Variants in DNAH14 observed in about 807,000 individuals in gnomAD.
The protein encoded by DNAH14 is axonemal beta dynein heavy chain 14.
DNAH14 carries 478 observed loss-of-function variants against 520.9 expected under a neutral mutation model. The ratio of observed to expected loss-of-function variants is 0.92; its 90% CI spans 0.85 to 0.99. The LOEUF (loss-of-function observed/expected upper bound fraction) is 0.99. Among genes scored for constraint, DNAH14 ranks in the 50% least tolerant of loss-of-function variants. The probability of loss-of-function intolerance (pLI) is 0.00; values close to 1 mark genes in which losing one functional copy is unlikely to be tolerated. For synonymous variants in DNAH14, 1,581 were observed against 1,757.2 expected (o/e 0.90, Z 2.51); for missense variants, 4,831 against 5,234.5 (o/e 0.92, Z 2.38).
At chr1:224,973,132 T>C (rs1193196004) in intron 7 of DNAH14, among the ~76,000 whole-genome samples, 4 of 152,238 alleles carry the variant, frequency 2.6e-5, no homozygotes, top group African/African-American at 4.8e-5. Context: ...TAGATTTTGA[T>C]TGAGGCAGTC....
At chr1:225,029,781 A>C (rs1262020072) in intron 11 of DNAH14, among the ~76,000 whole-genome samples, 2 of 151,988 alleles carry the variant, frequency 1.3e-5, no homozygotes, top group Non-Finnish European at 2.9e-5. Context: ...GCATATTTGA[A>C]AAAGTGAGAA....
chr1:225,385,105 T>C (rs1480433974), intron 81 of DNAH14, among the ~76,000 whole-genome samples: 1 of 152,208 alleles, frequency 6.6e-6, no homozygotes, highest in Non-Finnish European at 1.5e-5. Flanking sequence ...ATCCATCATG[T>C]AAACAGAACC....
chr1:225,290,475 A>G (rs1239276844), intron 55 of DNAH14, among the ~76,000 whole-genome samples: 5 of 151,402 alleles, frequency 3.3e-5, no homozygotes, highest in African/African-American at 1.2e-4. Flanking sequence ...TTAGATATGT[A>G]ATCTACAATC....
At chr1:225,386,677 A>G (rs2095845347) in intron 81 of DNAH14, among the ~76,000 whole-genome samples, 2 of 152,258 alleles carry the variant, frequency 1.3e-5, no homozygotes, top group South Asian at 2.1e-4. Context: ...CAAAACCACA[A>G]TGGGATACCA....
At chr1:225,004,846 T>C (rs1558654573) in intron 9 of DNAH14, among the ~76,000 whole-genome samples, 1 of 152,134 alleles carries the variant, frequency 6.6e-6, no homozygotes. Context: ...AGCAAGGTTA[T>C]GAATGTGAAG....
chr1:225,322,252 G>A (rs1464426366), intron 61 of DNAH14, among the ~76,000 whole-genome samples: 1 of 151,720 alleles, frequency 6.6e-6, no homozygotes, highest in Admixed American at 6.6e-5. Flanking sequence ...ACCATACCCA[G>A]CTAATTTTTT....
chr1:225,354,051 T>G, intron 73 of DNAH14, 163 bp downstream of exon 73: 1 of 675,454 alleles, frequency 1.5e-6, no homozygotes, highest in Non-Finnish European at 2.7e-6. Context: ...CCCTTAATGC[T>G]TCTTTCATGT....
chr1:225,200,011 C>T (rs944809421), intron 38 of DNAH14, among the ~76,000 whole-genome samples: 2 of 149,046 alleles, frequency 1.3e-5, no homozygotes, highest in Non-Finnish European at 3.0e-5. Flanking sequence ...AATTTGGGAG[C>T]TCCAGTGTTG....
intron 49 of DNAH14, among the ~76,000 whole-genome samples, chr1:225,268,159 T>C (rs533391421): frequency 3.3e-5 from 5 of 152,282 alleles, no homozygotes; most frequent in Admixed American, 2.0e-4. Context: ...ATGATTGCTC[T>C]TTTTGTTTCG....
At chr1:225,318,021 C>A (rs1341581436) in intron 60 of DNAH14, among the ~76,000 whole-genome samples, 1 of 152,182 alleles carries the variant, frequency 6.6e-6, no homozygotes, top group Non-Finnish European at 1.5e-5. Context: ...CCCAAGTCAA[C>A]TTTTTAGCCA....
At chr1:225,182,162 C>G (rs575688262) in intron 36 of DNAH14, among the ~76,000 whole-genome samples, 54 of 152,312 alleles carry the variant, frequency 3.5e-4, no homozygotes, top group African/African-American at 1.2e-3. Flanking sequence ...CGCATCATTG[C>G]ACTCCAGCCT....
At chr1:225,117,826 G>T in intron 24 of DNAH14, 38 bp downstream of exon 24, 1 of 1,516,640 alleles carries the variant, frequency 6.6e-7, no homozygotes, top group Non-Finnish European at 9.0e-7. Context: ...TATTATATTA[G>T]CGATATTCAG....
intron 36 of DNAH14, among the ~76,000 whole-genome samples, chr1:225,175,537 C>G (rs1202266059): frequency 6.6e-6 from 1 of 151,642 alleles, no homozygotes. Flanking sequence ...TATTGTTAGT[C>G]TAGTGAAAGA....
chr1:225,083,550 A>G (rs1386797078), intron 20 of DNAH14, among the ~76,000 whole-genome samples: 1 of 152,164 alleles, frequency 6.6e-6, no homozygotes, highest in African/African-American at 2.4e-5. Flanking sequence ...CAAAATTAAC[A>G]TGTCAAAAAC....
At chr1:225,013,952 AG>A (rs2065011207) in intron 10 of DNAH14, among the ~76,000 whole-genome samples, 1 of 151,922 alleles carries the variant, frequency 6.6e-6, no homozygotes, top group African/African-American at 2.4e-5. Context: ...CCCCCTTTCT[AG>A]GGGAGTGAAT....
At chr1:225,208,645 A>G (rs1573997336) in intron 41 of DNAH14, among the ~76,000 whole-genome samples, 1 of 152,306 alleles carries the variant, frequency 6.6e-6, no homozygotes, top group Non-Finnish European at 1.5e-5. Context: ...GAGTTCAGAG[A>G]ATTAGAGAAA....
At chr1:225,375,612 A>C (rs1373278760) in intron 78 of DNAH14, among the ~76,000 whole-genome samples, 1 of 152,170 alleles carries the variant, frequency 6.6e-6, no homozygotes, top group Admixed American at 6.5e-5. Context: ...AAATAGTAAA[A>C]ATATTTTAGG....
chr1:225,137,030 T>C (rs532629380), intron 27 of DNAH14, among the ~76,000 whole-genome samples: 2 of 152,196 alleles, frequency 1.3e-5, no homozygotes, highest in African/African-American at 4.8e-5. Flanking sequence ...AAATTGGCTG[T>C]TCTGGCTATC....
chr1:225,262,527 A>T (rs2092968659), intron 46 of DNAH14, among the ~76,000 whole-genome samples: 2 of 152,030 alleles, frequency 1.3e-5, no homozygotes, highest in Admixed American at 6.6e-5. Context: ...GCACACAGTA[A>T]GAGATAAGAA....
Sources: gnomAD v4.1 joint callset for allele counts (sites outside exome capture counted in the v4.1 genomes callset) on GRCh38, gnomAD v4.1.1 for gene constraint, MANE v1.5 for transcripts, NCBI Gene and HGNC (gene_info 2026-07-23, HGNC 2026-07-21) for gene names.